The following DPY19L4 variants were observed in gnomAD, a reference collection of about 807,000 sequenced individuals.
DPY19L4 encodes dpy-19 like 4.
Under a neutral mutation model 102.8 loss-of-function variants are expected in DPY19L4, and 97 were observed. That is an observed-to-expected ratio of 0.94 (90% CI 0.80 to 1.12). The LOEUF is 1.12. DPY19L4 is among the 50% of genes most tolerant of loss of function. The probability of loss-of-function intolerance (pLI) is 0.00; values close to 1 mark genes in which losing one functional copy is unlikely to be tolerated. For missense variants in DPY19L4, 815 were observed against 850.4 expected (o/e 0.96, Z 0.52); for synonymous variants, 252 against 283.1 (o/e 0.89, Z 1.10).
intron 4 of DPY19L4, among the ~76,000 whole-genome samples, chr8:94,738,694 A>G (rs1300454359): frequency 2.0e-5 from 3 of 151,630 alleles, no homozygotes; most frequent in African/African-American, 7.3e-5. Context: ...TTGTATACTT[A>G]GTAGAGACGG....
chr8:94,768,455 T>C lies in DPY19L4; in HGVS notation c.1236T>C (p.Phe412=). The change falls in exon 12 of 19, where the codon TTT becomes TTC. Residue 412 remains phenylalanine, a synonymous_variant. Coordinates refer to ENST00000414645, the MANE Select transcript of DPY19L4 (RefSeq NM_181787.3). Reference sequence around the variant, plus strand: ...CCCTGCAGGCACCATCTCAAGATTTTTTTCTGCGATTGACACAGTCTTCTT... The same window carrying C: ...CCCTGCAGGCACCATCTCAAGATTTCTTTCTGCGATTGACACAGTCTTCTT... ...QESLQAPSQD[F]FLRLTQSSLL... The C allele has an allele frequency of 6.2e-7, 1 of 1,609,132 alleles. No homozygotes were observed. The highest frequency in any genetic ancestry group is 8.5e-7 in the Non-Finnish European group (1 of 1,177,928).
At position 94,781,527 on chromosome 8, in the gene DPY19L4, T is replaced by C. The variant is rs1443425330; in HGVS notation, c.1715+361T>C. Among the ~76,000 whole-genome samples, 10 of 152,216 alleles carry C rather than the reference T, an allele frequency of 6.6e-5. No homozygotes were observed. The East Asian group carries it at 1.9e-3, about 29-fold the overall frequency. Reference sequence around the variant, plus strand: ...TATTAGTTTTGATAACCAGGGGTTTTAGATTTTAATGCCCACACAGGACAG... The same window carrying C: ...TATTAGTTTTGATAACCAGGGGTTTCAGATTTTAATGCCCACACAGGACAG... On this transcript the variant is annotated intron_variant, in intron 16 of 18. Coordinates refer to ENST00000414645, the MANE Select transcript of DPY19L4 (RefSeq NM_181787.3).
At chr8:94,770,921 C>CTT (rs371611032) in intron 13 of DPY19L4, among the ~76,000 whole-genome samples, 3 of 139,248 alleles carry the variant, frequency 2.2e-5, no homozygotes, top group Admixed American at 7.1e-5. Flanking sequence ...CAAAGATTGT[C>CTT]TTTTTTTTTT....
At chr8:94,745,569 A>G (rs533800418) in intron 6 of DPY19L4, among the ~76,000 whole-genome samples, 18 of 152,308 alleles carry the variant, frequency 1.2e-4, no homozygotes, top group African/African-American at 4.1e-4. Context: ...TTGGCAGACA[A>G]TAATGGAACA....
At chr8:94,759,395 A>T (rs1812304678) in intron 7 of DPY19L4, among the ~76,000 whole-genome samples, 3 of 151,970 alleles carry the variant, frequency 2.0e-5, no homozygotes, top group Admixed American at 2.0e-4. Flanking sequence ...CTTGTAAGAC[A>T]GAAAAGTTCT....
At chr8:94,774,280 CA>C (rs1196570791) in intron 13 of DPY19L4, among the ~76,000 whole-genome samples, 1 of 151,590 alleles carries the variant, frequency 6.6e-6, no homozygotes, top group Non-Finnish European at 1.5e-5. Flanking sequence ...CTCCTGGGCT[CA>C]AGCCATCCTC....
chr8:94,738,990 A>G (rs1172307674), intron 4 of DPY19L4, among the ~76,000 whole-genome samples: 4 of 152,204 alleles, frequency 2.6e-5, no homozygotes, highest in Non-Finnish European at 5.9e-5. Context: ...CACATTGGAC[A>G]TATATCACTT....
chr8:94,753,638 C>CA, intron 6 of DPY19L4, among the ~76,000 whole-genome samples: 1 of 152,102 alleles, frequency 6.6e-6, no homozygotes, highest in Admixed American at 6.6e-5. Context: ...TTTGGGAGGT[C>CA]GAGGCAGGTG....
At chr8:94,742,329 G>T (rs1246384182) in intron 6 of DPY19L4, among the ~76,000 whole-genome samples, 1 of 151,954 alleles carries the variant, frequency 6.6e-6, no homozygotes, top group Admixed American at 6.6e-5. Context: ...CTGCACTCCA[G>T]CCTGGGCGAC....
chr8:94,744,897 A>T (rs1184716267), intron 6 of DPY19L4: 1 of 220,938 alleles, frequency 4.5e-6, no homozygotes, highest in Non-Finnish European at 9.2e-6. Flanking sequence ...TTAATAGCTA[A>T]GTTTTAAAAA....
At chr8:94,782,368 T>G (rs1347240153) in intron 16 of DPY19L4, among the ~76,000 whole-genome samples, 4 of 152,068 alleles carry the variant, frequency 2.6e-5, no homozygotes, top group African/African-American at 4.8e-5. Flanking sequence ...AAGAGGGCAA[T>G]TCTCAATGTC....
intron 6 of DPY19L4, among the ~76,000 whole-genome samples, chr8:94,740,632 T>C (rs1271977753): frequency 1.3e-5 from 2 of 152,090 alleles, no homozygotes. Flanking sequence ...TTTTTTTGTA[T>C]TTTTAGTAGA....
intron 3 of DPY19L4, among the ~76,000 whole-genome samples, chr8:94,737,364 C>G (rs1811228590): frequency 6.6e-6 from 1 of 151,958 alleles, no homozygotes. Flanking sequence ...TTAGTAGAGA[C>G]AGGGTTTCAC....
At chr8:94,783,038 G>A (rs7826057) in intron 16 of DPY19L4, among the ~76,000 whole-genome samples, 102,578 of 151,748 alleles carry the variant, frequency 0.68, 34,680 homozygotes, top group East Asian at 0.8. Flanking sequence ...CACTATCCCT[G>A]GCGCATAGAG....
At chr8:94,760,020 T>G (rs1244368498) in intron 7 of DPY19L4, among the ~76,000 whole-genome samples, 1 of 152,154 alleles carries the variant, frequency 6.6e-6, no homozygotes, top group Non-Finnish European at 1.5e-5. Context: ...ACAGTGAAAG[T>G]GAAGCCCTGT....
chr8:94,764,691 A>C (rs189122129), intron 8 of DPY19L4, among the ~76,000 whole-genome samples: 410 of 24,808 alleles, frequency 0.017, 15 homozygotes, highest in African/African-American at 0.051. Context: ...CTGTGTGTGT[A>C]TATATATATA....
intron 6 of DPY19L4, chr8:94,744,233 T>G: frequency 2.5e-6 from 1 of 405,018 alleles, no homozygotes. Flanking sequence ...CTGGCTGGGC[T>G]GAAGCATCTG....
intron 6 of DPY19L4, among the ~76,000 whole-genome samples, chr8:94,747,013 A>G (rs1031866945): frequency 4.7e-5 from 7 of 148,570 alleles, no homozygotes; most frequent in African/African-American, 1.5e-4. Context: ...ACTACAAACA[A>G]TTTTTTTTTT....
At chr8:94,762,679 T>C (rs1176920839) in intron 8 of DPY19L4, among the ~76,000 whole-genome samples, 1 of 152,012 alleles carries the variant, frequency 6.6e-6, no homozygotes, top group African/African-American at 2.4e-5. Flanking sequence ...GCAGGAGGAT[T>C]GTTTGAGCCC....
Sources: allele counts gnomAD v4.1 joint callset (sites outside exome capture counted in the v4.1 genomes callset), GRCh38; gene constraint gnomAD v4.1.1; transcripts MANE v1.5; gene names NCBI Gene and HGNC (gene_info 2026-07-23, HGNC 2026-07-21).